The following PWWP3A variants were observed in gnomAD, a reference collection of about 807,000 sequenced individuals.
PWWP3A encodes PWWP domain containing 3A, DNA repair factor, also known as PWWP domain-containing DNA repair factor 3A.
In PWWP3A, 53 loss-of-function variants were observed where a neutral mutation model predicts 79.0. The observed-to-expected ratio is 0.67, with a 90% CI of 0.54 to 0.84. The LOEUF (loss-of-function observed/expected upper bound fraction) is 0.84. Ranked by LOEUF, PWWP3A falls within the 40% of genes least tolerant of loss-of-function variation. The pLI, the probability that PWWP3A is intolerant of heterozygous loss-of-function variation, is 0.00. For missense variants in PWWP3A, 973 were observed against 948.0 expected (o/e 1.03, Z -0.35); for synonymous variants, 443 against 394.4 (o/e 1.12, Z -1.46).
intron 13 of PWWP3A, 91 bp from the exon 14 acceptor site, chr19:1,376,428 A>G: frequency 7.6e-7 from 1 of 1,312,596 alleles, no homozygotes; most frequent in Non-Finnish European, 1.1e-6. Context: ...TGCTGGGATT[A>G]CAGGCGTGAG....
At chr19:1,376,272 T>G (rs958707233) in intron 13 of PWWP3A, among the ~76,000 whole-genome samples, 1 of 144,632 alleles carries the variant, frequency 6.9e-6, no homozygotes, top group Admixed American at 7.3e-5. Flanking sequence ...ATTACAGACA[T>G]GCGCCACCAC....
intron 7 of PWWP3A, among the ~76,000 whole-genome samples, chr19:1,365,212 GT>G (rs2082103011): frequency 6.6e-6 from 1 of 152,224 alleles, no homozygotes; most frequent in Non-Finnish European, 1.5e-5. Context: ...TTTGGATTTT[GT>G]GGTGGGGTTG....
intron 12 of PWWP3A, 105 bp downstream of exon 12, chr19:1,371,183 C>A: frequency 7.4e-7 from 1 of 1,349,538 alleles, no homozygotes; most frequent in Non-Finnish European, 1.0e-6. Context: ...GCTCCCTGGC[C>A]GTTCGGCGGC....
At chr19:1,374,569 C>G (rs1283379135) in intron 13 of PWWP3A, among the ~76,000 whole-genome samples, 2 of 152,168 alleles carry the variant, frequency 1.3e-5, no homozygotes, top group Non-Finnish European at 2.9e-5. Context: ...GGCCGGTGTG[C>G]TCTCCCCTAT....
At chr19:1,366,755 C>T (rs957739050) in intron 8 of PWWP3A, among the ~76,000 whole-genome samples, 38 of 152,256 alleles carry the variant, frequency 2.5e-4, no homozygotes, top group African/African-American at 8.7e-4. Flanking sequence ...CCCTGGGTTA[C>T]CTGGTCGTTC....
chr19:1,372,438 A>T (rs1283339047), intron 12 of PWWP3A: 2 of 152,142 alleles, frequency 1.3e-5, no homozygotes, highest in Non-Finnish European at 2.9e-5. Context: ...TGTATTGTGT[A>T]TTCAGGATAC....
At chr19:1,375,407 ATATATAT>A (rs1385835743) in intron 13 of PWWP3A, among the ~76,000 whole-genome samples, 3 of 112,530 alleles carry the variant, frequency 2.7e-5, no homozygotes, top group African/African-American at 1.0e-4. Flanking sequence ...TATATATATA[ATATATAT>A]TATATATATA....
chr19:1,376,192 C>A (rs1226843056), intron 13 of PWWP3A, among the ~76,000 whole-genome samples: 1 of 141,864 alleles, frequency 7.0e-6, no homozygotes, highest in Non-Finnish European at 1.5e-5. Flanking sequence ...ATGGCATGAT[C>A]TTGGCTCACT....
At position 1,375,016 on chromosome 19, in the gene PWWP3A, CGA is replaced by C. The variant is rs936518352; in HGVS notation, c.2076-1500_2076-1499del. Among the ~76,000 whole-genome samples the C allele has an allele frequency of 7.7e-4, 117 of 151,418 alleles. 2 individuals carry two copies. The highest frequency in any genetic ancestry group is 6.6e-3 in the Admixed American group (100 of 15,154). ...CAGGTGGATCACGAGGTCAGGAGTT[CGA>C]GACCATCCTGGCCACCATGGTGAAA... On this transcript the variant is annotated intron_variant, in intron 13 of 13. Transcript: ENST00000591337.
rs201502701 is a variant in PWWP3A, at chr19:1,370,725, G to A, written c.1633G>A (p.Val545Met). Residue 545 changes from valine (V) to methionine (M), a missense_variant, in exon 12 of 14, where the codon GTG (valine) becomes ATG (methionine). Physicochemically the swap from Val to Met is conservative, Grantham distance 21. Transcript: ENST00000591337. ...GAGCAAGGGGAGCCCCGAGGAGCCC[G>A]TGGTGGGGTGCCCCCTGGGGCAGAG... ...QLSKGSPEEP[V>M]VGCPLGQRQP... 5.6e-5 allele frequency: 82 copies of A among 1,473,122 alleles called. No homozygotes were observed. The African/African-American group carries it at 7.8e-4, about 14-fold the overall frequency. The allele number at this position is 1,473,122 out of a possible 1,614,324, so 91.3% of individuals were successfully genotyped here. A position where few individuals can be genotyped will look rare whatever the true frequency, so the allele number is the denominator to read the frequency against.
At chr19:1,364,473 CT>C (rs202008144) in intron 6 of PWWP3A, 35 bp from the exon 7 acceptor site, 6,653 of 1,280,252 alleles carry the variant, frequency 5.2e-3, no homozygotes, top group Non-Finnish European at 5.8e-3. Context: ...CTTGTCTATT[CT>C]TTTTTTTTTG....
intron 12 of PWWP3A, chr19:1,371,288 C>T (rs1600124281): frequency 2.8e-6 from 2 of 726,142 alleles, no homozygotes; most frequent in Non-Finnish European, 4.9e-6. Flanking sequence ...GAGCCGCTTA[C>T]TTGACCCCTG....
chr19:1,377,445 C>G lies in PWWP3A; in HGVS notation c.*869C>G, dbSNP rs1332780776. On this transcript the variant is annotated 3_prime_UTR_variant, in exon 14 of 14. Transcript: ENST00000591337. ...AGCCCTGGGGTGGAGTGACAAACCG[C>G]ATTGTCCTGTGCCCGCCATGGCAGA... The G allele has an allele frequency of 3.3e-5, 5 of 152,498 alleles. No homozygotes were observed. In the East Asian group the frequency reaches 9.6e-4, roughly 29 times the overall value. 9.4% of individuals were successfully genotyped at this position (152,498 alleles called of 1,614,324 possible).
Position 1,376,649 on chromosome 19 carries a change from G to C in PWWP3A, c.*73G>C. 1 of 1,494,618 alleles carries C rather than the reference G, an allele frequency of 6.7e-7. No homozygotes were observed. Among genetic ancestry groups the C allele is most frequent in the East Asian group, 2.3e-5 (1 of 43,708 alleles). 92.6% of individuals were successfully genotyped at this position (1,494,618 alleles called of 1,614,324 possible). On this transcript the variant is annotated 3_prime_UTR_variant, in exon 14 of 14. Transcript: ENST00000591337. ...TCCAGTGTGCATGAGCGTGTCTGAA[G>C]ATGGGGGGCTCAGGGGGCACGTTTG...
intron 5 of PWWP3A, among the ~76,000 whole-genome samples, chr19:1,361,729 GACCGC>G (rs4048481): frequency 0.018 from 2,687 of 152,230 alleles, 80 homozygotes; most frequent in African/African-American, 0.061. Context: ...AAGACAAAGT[GACCGC>G]ACCCCTACCC....
chr19:1,356,993 T>A lies in PWWP3A; in HGVS notation c.58-16T>A. The A allele has an allele frequency of 3.1e-6, 5 of 1,604,492 alleles. No homozygotes were observed. Among genetic ancestry groups the A allele is most frequent in the Non-Finnish European group, 4.3e-6 (5 of 1,175,394 alleles). ...GCTGTTGTAATAACAAGGATTTTCT[T>A]TTGTTTTAAATGTAGGTTTTGGCCC... On this transcript the variant is annotated splice_polypyrimidine_tract_variant and intron_variant, in intron 2 of 13. Coordinates refer to ENST00000591337, the MANE Select transcript of PWWP3A (RefSeq NM_001369789.1).
At chr19:1,376,322 TTTTTGGTA>T (rs2082399859) in intron 13 of PWWP3A, among the ~76,000 whole-genome samples, 189 bp from the exon 14 acceptor site, 1 of 137,592 alleles carries the variant, frequency 7.3e-6, no homozygotes, top group Non-Finnish European at 1.6e-5. Context: ...TTTTTTTTTT[TTTTTGGTA>T]TTTTTTGTAG....
chr19:1,369,779 A>G lies in PWWP3A; in HGVS notation c.1549+133A>G. 9.6e-7 allele frequency: 1 copy of G among 1,045,806 alleles called. No homozygotes were observed. Among genetic ancestry groups the G allele is most frequent in the South Asian group, 1.3e-5 (1 of 76,712 alleles). 64.8% of individuals were successfully genotyped at this position (1,045,806 alleles called of 1,614,324 possible). ...GTCCGCAGCCACACAGCATTGTTCAACCTCTATGAGGTTTTGATGTGACCC... is the reference window on the plus strand; with the variant it reads ...GTCCGCAGCCACACAGCATTGTTCAGCCTCTATGAGGTTTTGATGTGACCC... On this transcript the variant is annotated intron_variant, in intron 11 of 13. Transcript: ENST00000591337. This position sits in a 1 kb window ranked among gnomAD's most constrained non-coding sequence, Gnocchi z 4.0.
chr19:1,376,128 T>G (rs1475350471), intron 13 of PWWP3A, among the ~76,000 whole-genome samples: 2 of 143,254 alleles, frequency 1.4e-5, no homozygotes, highest in Non-Finnish European at 3.0e-5. Context: ...TACTCTTTTT[T>G]TTTTTTTTTT....
Sources: allele counts gnomAD v4.1 joint callset (sites outside exome capture counted in the v4.1 genomes callset), GRCh38; gene constraint gnomAD v4.1.1; non-coding constraint Gnocchi (gnomAD v3.1); transcripts MANE v1.5; gene names NCBI Gene and HGNC (gene_info 2026-07-23, HGNC 2026-07-21).